Variants in AZIN2 observed in about 807,000 individuals in gnomAD.
AZIN2 encodes ODC antizyme inhibitor-2.
Under a neutral mutation model 47.8 loss-of-function variants are expected in AZIN2, and 28 were observed. The observed-to-expected ratio is 0.59, with a 90% CI of 0.43 to 0.80. AZIN2 has a LOEUF of 0.80. Among genes scored for constraint, AZIN2 ranks in the 30% least tolerant of loss-of-function variants. The pLI, the probability that AZIN2 is intolerant of heterozygous loss-of-function variation, is 0.00. For missense variants in AZIN2, 535 were observed against 582.5 expected, an observed-to-expected ratio of 0.92 and a Z score of 0.84; for synonymous variants, 221 against 239.4, an observed-to-expected ratio of 0.92 and a Z score of 0.71.
chr1:33,159,852 C>T, the AZIN2 span: 2 of 1,613,492 alleles, frequency 1.2e-6, no homozygotes, highest in South Asian at 1.1e-5. This position sits in a 1 kb window ranked among gnomAD's most constrained non-coding sequence, Gnocchi z 4.2. Context: ...CCGCCTCCAG[C>T]TCCTCTAGCA....
intron 4 of AZIN2, chr1:33,082,616 A>G: frequency 2.7e-6 from 1 of 368,692 alleles, no homozygotes; most frequent in South Asian, 3.2e-5. Flanking sequence ...CTCACCGCCC[A>G]CATCTAGGCA....
chr1:33,159,350 A>G, the AZIN2 span, among the ~76,000 whole-genome samples: 1 of 152,154 alleles, frequency 6.6e-6, no homozygotes, highest in East Asian at 1.9e-4. This position sits in a 1 kb window ranked among gnomAD's most constrained non-coding sequence, Gnocchi z 4.2. Context: ...TACAGAATAT[A>G]TTACATATAT....
chr1:33,100,886 G>C (rs1262627462), intron 10 of AZIN2, among the ~76,000 whole-genome samples: 2 of 151,760 alleles, frequency 1.3e-5, no homozygotes, highest in Non-Finnish European at 2.9e-5. Context: ...TTTTGAGACA[G>C]AGTCTCACTC....
At chr1:33,166,591 A>G in the AZIN2 span, among the ~76,000 whole-genome samples, 4 of 152,198 alleles carry the variant, frequency 2.6e-5, no homozygotes, top group African/African-American at 9.6e-5. Context: ...AAAAAGATAC[A>G]GAGAGGTCAA....
At chr1:33,117,156 T>C (rs555574833) in intron 10 of AZIN2, among the ~76,000 whole-genome samples, 1 of 152,362 alleles carries the variant, frequency 6.6e-6, no homozygotes, top group South Asian at 2.1e-4. Flanking sequence ...TCCATTTTTC[T>C]GAAATGGGAG....
chr1:33,117,394 G>C (rs1004847189), intron 10 of AZIN2, among the ~76,000 whole-genome samples: 1 of 152,182 alleles, frequency 6.6e-6, no homozygotes, highest in Non-Finnish European at 1.5e-5. Flanking sequence ...TAGATTTGAG[G>C]GTCGGGGAAG....
chr1:33,144,937 C>T, the AZIN2 span, among the ~76,000 whole-genome samples: 1 of 152,256 alleles, frequency 6.6e-6, no homozygotes, highest in African/African-American at 2.4e-5. Flanking sequence ...CTGCACTTTA[C>T]AGCTTACCAA....
At chr1:33,114,828 C>T (rs1007299835) in intron 10 of AZIN2, among the ~76,000 whole-genome samples, 2 of 151,374 alleles carry the variant, frequency 1.3e-5, no homozygotes, top group Non-Finnish European at 2.9e-5. Flanking sequence ...TTTTTAGTAG[C>T]GACAGGGTTT....
At chr1:33,136,289 C>CCTTT in the AZIN2 span, among the ~76,000 whole-genome samples, 1 of 149,646 alleles carries the variant, frequency 6.7e-6, no homozygotes, top group East Asian at 2.0e-4. Context: ...CTCTTCCTTT[C>CCTTT]CTTTCTTTCT....
intron 9 of AZIN2, 119 bp from the exon 10 acceptor site, chr1:33,097,948 C>T (rs1478858275): frequency 1.4e-6 from 1 of 696,574 alleles, no homozygotes; most frequent in African/African-American, 1.8e-5. Context: ...TAGGCCTCGC[C>T]TCATGGTTGA....
rs890267074 is a variant in AZIN2 at position 33,103,885 on chromosome 1, C to CT, written c.1029+5721dup. ...CAGTATATGTTGGAATTAAATAGAT[C>CT]TTTTTTTTTTTTTTTGAGATGGAGT... On this transcript the variant is annotated intron_variant, in intron 10 of 11. Coordinates refer to ENST00000294517, the MANE Select transcript of AZIN2 (RefSeq NM_052998.4). Among the ~76,000 whole-genome samples the CT allele has an allele frequency of 6.7e-3, 959 of 142,910 alleles. 17 individuals are homozygous for CT. The East Asian group carries it at 0.085, about 13-fold the overall frequency. The allele number at this position is 142,910 out of a possible 152,430, so 93.8% of individuals were successfully genotyped here. A position where few individuals can be genotyped will look rare whatever the true frequency, so the allele number is the denominator to read the frequency against.
At position 33,118,135 on chromosome 1, in the gene AZIN2, A is replaced by G. The variant is rs543673957; in HGVS notation, c.1244+19A>G. Reference sequence around the variant, plus strand: ...TGGCCTGGTAAGAGGGCCCTGCTGGAAAATGGGGGTATGGGGAGGAACTGG... The same window carrying G: ...TGGCCTGGTAAGAGGGCCCTGCTGGGAAATGGGGGTATGGGGAGGAACTGG... On this transcript the variant is annotated intron_variant, in intron 11 of 11. Transcript: ENST00000294517. 2.1e-5 allele frequency: 31 copies of G among 1,505,910 alleles called. No individual in the cohort carries two copies. The African/African-American group carries it at 4.2e-4, about 21-fold the overall frequency. 93.3% of individuals were successfully genotyped at this position (1,505,910 alleles called of 1,614,324 possible).
intron 4 of AZIN2, chr1:33,083,741 A>G (rs1641548225): frequency 3.4e-6 from 2 of 593,596 alleles, no homozygotes; most frequent in Non-Finnish European, 6.0e-6. Context: ...AGCCGCATTG[A>G]GGGGAGGGAT....
At chr1:33,159,781 C>T in the AZIN2 span, 74 of 1,613,736 alleles carry the variant, frequency 4.6e-5, no homozygotes, top group Non-Finnish European at 6.0e-5. This position sits in a 1 kb window ranked among gnomAD's most constrained non-coding sequence, Gnocchi z 4.2. Context: ...CTGGACCTTG[C>T]GCAGCTGCTG....
At chr1:33,105,231 A>G (rs1470403684) in intron 10 of AZIN2, among the ~76,000 whole-genome samples, 1 of 152,218 alleles carries the variant, frequency 6.6e-6, no homozygotes, top group Non-Finnish European at 1.5e-5. Flanking sequence ...ACTTTTTAAA[A>G]AAGTGTCATA....
At chr1:33,136,348 T>C in the AZIN2 span, among the ~76,000 whole-genome samples, 1 of 150,548 alleles carries the variant, frequency 6.6e-6, no homozygotes. Flanking sequence ...CCTTCCTTCT[T>C]TCTCTCTCTC....
At chr1:33,096,328 A>G (rs1309103822) in intron 8 of AZIN2, among the ~76,000 whole-genome samples, 1 of 152,216 alleles carries the variant, frequency 6.6e-6, no homozygotes, top group Non-Finnish European at 1.5e-5. Flanking sequence ...AAATCCATGC[A>G]TAAGTGGACC....
the AZIN2 span, among the ~76,000 whole-genome samples, chr1:33,139,097 T>C: frequency 2.0e-5 from 3 of 152,212 alleles, no homozygotes; most frequent in African/African-American, 7.2e-5. Context: ...TTTTCATTTT[T>C]TAAAATGAGC....
intron 10 of AZIN2, 135 bp downstream of exon 10, chr1:33,098,314 T>C (rs892053477): frequency 6.4e-6 from 4 of 627,176 alleles, no homozygotes; most frequent in Non-Finnish European, 1.1e-5. Context: ...ACGAAGGTTA[T>C]CACCCATAAT....
Sources: gnomAD v4.1 joint callset for allele counts (sites outside exome capture counted in the v4.1 genomes callset) on GRCh38, gnomAD v4.1.1 for gene constraint, Gnocchi (gnomAD v3.1) non-coding constraint, MANE v1.5 for transcripts, NCBI Gene and HGNC (gene_info 2026-07-23, HGNC 2026-07-21) for gene names.